Variants in COMMD5 observed in about 807,000 individuals in gnomAD.
COMMD5 encodes the protein COMM domain containing 5, also known as COMM domain-containing protein 5.
A neutral mutation model predicts 6.9 loss-of-function variants in COMMD5; 10 were observed. The observed-to-expected ratio is 1.44, with a 90% CI of 0.89 to 2.45. The LOEUF is 2.45. Ranked by LOEUF, COMMD5 falls within the 30% of genes most tolerant of loss-of-function variation. The probability of loss-of-function intolerance (pLI) is 0.00; values close to 1 mark genes in which losing one functional copy is unlikely to be tolerated. For synonymous variants in COMMD5, 127 were observed against 125.3 expected (o/e 1.01, Z -0.09); for missense variants, 234 against 287.8 (o/e 0.81, Z 1.35).
At chr8:144,842,737 C>CA (rs1311198202) in intron 1 of COMMD5, 1 of 1,614,028 alleles carries the variant, frequency 6.2e-7, no homozygotes, top group Non-Finnish European at 8.5e-7. Context: ...TACAATACAT[C>CA]AAAGGGTTCA....
chr8:144,851,375 G>A lies in COMMD5; in HGVS notation c.-37C>T. 1 of 1,573,936 alleles carries A rather than the reference G, an allele frequency of 6.4e-7. No individual in the cohort carries two copies. The highest frequency in any genetic ancestry group is 1.3e-5 in the African/African-American group (1 of 74,298). On this transcript the variant is annotated 5_prime_UTR_variant, in exon 2 of 2. Coordinates refer to ENST00000305103, the MANE Select transcript of COMMD5 (RefSeq NM_014066.4). ...CCTCTTTGATCAGCCAGCCCAGGAG[G>A]TCGGTCCCAGATGCAGATGCCTAGA... is the stretch of plus-strand genomic sequence containing the variant.
At chr8:144,841,425 G>T in exon 2 of COMMD5, 1 of 1,614,188 alleles carries the variant, frequency 6.2e-7, no homozygotes, top group Non-Finnish European at 8.5e-7. Flanking sequence ...AATCCTATGG[G>T]ACAGTGGTCA....
At chr8:144,846,458 G>T, downstream of COMMD5, 1 of 330,492 alleles carries the variant, frequency 3.0e-6, no homozygotes, top group Non-Finnish European at 5.6e-6. Flanking sequence ...CGTCTTCATG[G>T]AGCCTCTGGC....
In COMMD5 at chr8:144,851,093, C is replaced by T; in HGVS notation, c.246G>A (p.Leu82=). The T allele has an allele frequency of 6.2e-7, 1 of 1,612,048 alleles. No homozygotes were observed. The highest frequency in any genetic ancestry group is 8.5e-7 in the Non-Finnish European group (1 of 1,179,432). ...TGTGCATGCCTGCCAGCAGGGCACC[C>T]AGCTGCTCCTCCGGCAGGTTGGCGC... ...GVSANLPEEQ[L]GALLAGMHTL... The change falls in exon 2 of 2, where the codon CTG becomes CTA. Residue 82 remains leucine, a synonymous_variant. Coordinates refer to ENST00000305103, the MANE Select transcript of COMMD5 (RefSeq NM_014066.4).
downstream of COMMD5, among the ~76,000 whole-genome samples, chr8:144,847,715 G>T (rs548857611): frequency 6.6e-6 from 1 of 152,330 alleles, no homozygotes; most frequent in South Asian, 2.1e-4. Context: ...AGTGATGCAG[G>T]TGGGGAGGCA....
At chr8:144,838,960 A>T (rs2130652454), downstream of COMMD5, 3 of 151,660 alleles carry the variant, frequency 2.0e-5, no homozygotes, top group Admixed American at 6.6e-5. Flanking sequence ...AAAAAAAAAA[A>T]AAGCAGGGGC....
chr8:144,844,443 G>C (rs1005753426), intron 1 of COMMD5, among the ~76,000 whole-genome samples: 1 of 152,184 alleles, frequency 6.6e-6, no homozygotes, highest in South Asian at 2.1e-4. Flanking sequence ...GGGCGTGGTG[G>C]CTCACGCCTG....
At chr8:144,852,802 C>T (rs1236910022) in intron 1 of COMMD5, 37 bp downstream of exon 1, 1 of 152,314 alleles carries the variant, frequency 6.6e-6, no homozygotes, top group Non-Finnish European at 1.5e-5. Flanking sequence ...AATTGGCACT[C>T]GGCCGTCGCC....
At chr8:144,843,502 G>A (rs1830267032) in intron 1 of COMMD5, 1 of 174,504 alleles carries the variant, frequency 5.7e-6, no homozygotes, top group Non-Finnish European at 1.2e-5. Flanking sequence ...GCAGGAGAAT[G>A]GCATCAGCCC....
rs746849807 is a variant in COMMD5 at position 144,843,025 on chromosome 8, G to A, written c.*117-1282C>T. On this transcript the variant is annotated intron_variant and NMD_transcript_variant, in intron 1 of 1. Transcript: ENST00000530332. ...GAAACTGCATCAGTGTGAAGACTGT[G>A]AGAAGATATTTAGGTGGCGTTCACA... The A allele has an allele frequency of 1.2e-5, 20 of 1,614,072 alleles. No homozygotes were observed. In the East Asian group the frequency reaches 4.5e-4, roughly 36 times the overall value.
intron 1 of COMMD5, among the ~76,000 whole-genome samples, chr8:144,844,901 GA>G (rs1261389064): frequency 6.6e-6 from 1 of 151,476 alleles, no homozygotes; most frequent in Non-Finnish European, 1.5e-5. Context: ...AGGGAGTGGG[GA>G]AAGAGGACTC....
chr8:144,843,212 C>A, intron 1 of COMMD5: 1 of 1,503,384 alleles, frequency 6.7e-7, no homozygotes, highest in Non-Finnish European at 8.9e-7. Flanking sequence ...AAACCTATAG[C>A]CTTAACTTAC....
chr8:144,839,789 G>T (rs954241674), downstream of COMMD5, among the ~76,000 whole-genome samples: 2 of 152,170 alleles, frequency 1.3e-5, no homozygotes, highest in South Asian at 4.1e-4. Context: ...GATACTGAAA[G>T]ATATTGGCCC....
rs1240238859 is a variant in COMMD5 at position 144,850,540 on chromosome 8, A to T, written c.*124T>A. 5.2e-5 allele frequency: 51 copies of T among 987,942 alleles called. No homozygotes were observed. The highest frequency in any genetic ancestry group is 8.2e-5 in the African/African-American group (5 of 60,938). 61.2% of individuals were successfully genotyped at this position (987,942 alleles called of 1,614,324 possible). On this transcript the variant is annotated 3_prime_UTR_variant, in exon 2 of 2. Coordinates refer to ENST00000305103, the MANE Select transcript of COMMD5 (RefSeq NM_014066.4). The surrounding 1 kb of genome is among the most constrained non-coding windows in gnomAD (Gnocchi z 4.0). Reference sequence around the variant, plus strand: ...CAGAAAACTACATAATTACGTTCAAACACTCACTGAAGAGCCTGCCTCATG... The same window carrying T: ...CAGAAAACTACATAATTACGTTCAATCACTCACTGAAGAGCCTGCCTCATG...
chr8:144,840,162 G>A (rs1829690198), downstream of COMMD5, among the ~76,000 whole-genome samples: 1 of 152,238 alleles, frequency 6.6e-6, no homozygotes, highest in African/African-American at 2.4e-5. Flanking sequence ...AAGCCCTGTT[G>A]AAAGAGCAGG....
At chr8:144,848,909 T>G (rs1445041782), downstream of COMMD5, among the ~76,000 whole-genome samples, 1 of 152,210 alleles carries the variant, frequency 6.6e-6, no homozygotes, top group Admixed American at 6.5e-5. Flanking sequence ...TCTCATAAGC[T>G]GTCTTTTCAT....
intron 1 of COMMD5, chr8:144,842,258 A>C (rs1316856204): frequency 2.7e-5 from 44 of 1,614,188 alleles, no homozygotes; most frequent in Non-Finnish European, 3.6e-5. Context: ...CAAAGGATGC[A>C]TACTGGGGAG....
At chr8:144,845,221 G>T (rs755340045), downstream of COMMD5, among the ~76,000 whole-genome samples, 8 of 152,154 alleles carry the variant, frequency 5.3e-5, no homozygotes, top group Non-Finnish European at 1.2e-4. Context: ...CCTAGGAGGG[G>T]ACGGCAGGCA....
intron 1 of COMMD5, chr8:144,841,752 G>T: frequency 6.2e-7 from 1 of 1,614,120 alleles, no homozygotes; most frequent in Non-Finnish European, 8.5e-7. Context: ...CTCTGCATTG[G>T]GAAATTAATA....
Sources: allele counts gnomAD v4.1 joint callset (sites outside exome capture counted in the v4.1 genomes callset), GRCh38; gene constraint gnomAD v4.1.1; non-coding constraint Gnocchi (gnomAD v3.1); transcripts MANE v1.5; gene names NCBI Gene and HGNC (gene_info 2026-07-23, HGNC 2026-07-21).